Variants in PPFIA1 observed in about 807,000 individuals in gnomAD.
PPFIA1 encodes the protein PPFI scaffold protein A1.
In PPFIA1, 25 loss-of-function variants were observed where a neutral mutation model predicts 149.9. That is an observed-to-expected ratio of 0.17 (90% CI 0.12 to 0.23). PPFIA1 has a LOEUF of 0.23. Ranked by LOEUF, PPFIA1 falls within the 10% of genes least tolerant of loss-of-function variation. PPFIA1 has a pLI of 1.00. For missense variants in PPFIA1, 1,362 were observed against 1,506.5 expected, an observed-to-expected ratio of 0.90 and a Z score of 1.59; for synonymous variants, 549 against 552.8, an observed-to-expected ratio of 0.99 and a Z score of 0.10.
chr11:70,349,790 A>G (rs564183082), intron 16 of PPFIA1: 1 of 384,636 alleles, frequency 2.6e-6, no homozygotes, highest in African/African-American at 2.1e-5. Context: ...ATTTCTGTCC[A>G]GAGAATTCGT....
chr11:70,276,817 A>G (rs765942521), intron 2 of PPFIA1, among the ~76,000 whole-genome samples: 1 of 151,834 alleles, frequency 6.6e-6, no homozygotes, highest in Non-Finnish European at 1.5e-5. Flanking sequence ...GTGGTTTGTA[A>G]TCCTTATTAT....
intron 21 of PPFIA1, among the ~76,000 whole-genome samples, chr11:70,371,104 C>T (rs1285072375): frequency 2.0e-5 from 3 of 152,192 alleles, no homozygotes; most frequent in Admixed American, 6.5e-5. Flanking sequence ...TGCACTCCAG[C>T]CTGGGCGACA....
At chr11:70,365,483 T>G (rs1193472182) in intron 21 of PPFIA1, 1 of 455,894 alleles carries the variant, frequency 2.2e-6, no homozygotes, top group Admixed American at 2.4e-5. Flanking sequence ...GTTTTCCACT[T>G]AAGACCGTCT....
At chr11:70,344,041 T>A in intron 15 of PPFIA1, 149 bp downstream of exon 15, 2 of 827,504 alleles carry the variant, frequency 2.4e-6, no homozygotes, top group Non-Finnish European at 3.7e-6. Flanking sequence ...TTAAGAATTT[T>A]AAGGTCTGAA....
intron 14 of PPFIA1, 50 bp from the exon 15 acceptor site, chr11:70,343,619 C>T (rs765902032): frequency 3.6e-5 from 54 of 1,503,508 alleles, no homozygotes; most frequent in Non-Finnish European, 4.7e-5. Context: ...TATGTTTCTA[C>T]AACTAATGTT....
At chr11:70,281,942 C>T (rs1027478293) in intron 2 of PPFIA1, among the ~76,000 whole-genome samples, 2 of 152,188 alleles carry the variant, frequency 1.3e-5, no homozygotes, top group Non-Finnish European at 2.9e-5. Flanking sequence ...TCTCTGTCTG[C>T]AGCATATGCG....
At chr11:70,299,923 GT>G (rs2052363363) in intron 2 of PPFIA1, among the ~76,000 whole-genome samples, 1 of 152,212 alleles carries the variant, frequency 6.6e-6, no homozygotes, top group South Asian at 2.1e-4. Context: ...GGGAGGGTTT[GT>G]TCAGTGTCTG....
chr11:70,306,164 C>G (rs926508975), intron 2 of PPFIA1, among the ~76,000 whole-genome samples: 1 of 152,058 alleles, frequency 6.6e-6, no homozygotes, highest in Admixed American at 6.5e-5. Flanking sequence ...CACATGCACG[C>G]TTACTTGCGA....
chr11:70,347,626 A>G (rs1419476548), intron 15 of PPFIA1, among the ~76,000 whole-genome samples: 1 of 152,152 alleles, frequency 6.6e-6, no homozygotes, highest in Non-Finnish European at 1.5e-5. Flanking sequence ...GGATCCCTTG[A>G]GTCCAGGAGT....
chr11:70,372,180 C>G (rs757926991), intron 21 of PPFIA1, 35 bp from the exon 22 acceptor site: 1 of 1,565,862 alleles, frequency 6.4e-7, no homozygotes, highest in South Asian at 1.2e-5. Context: ...TTGAGACTTC[C>G]TCTGTAACTG....
intron 2 of PPFIA1, among the ~76,000 whole-genome samples, chr11:70,302,244 G>A (rs1253547183): frequency 2.6e-5 from 4 of 152,212 alleles, no homozygotes; most frequent in Non-Finnish European, 4.4e-5. Context: ...GGCTCGATTG[G>A]AGGAGGGAGC....
chr11:70,315,144 A>G (rs778038873), intron 2 of PPFIA1, among the ~76,000 whole-genome samples: 1 of 152,230 alleles, frequency 6.6e-6, no homozygotes, highest in Non-Finnish European at 1.5e-5. Flanking sequence ...GGGTGGCTTC[A>G]CAGCCGTATC....
chr11:70,367,668 T>G (rs1278364897), intron 21 of PPFIA1: 1 of 453,810 alleles, frequency 2.2e-6, no homozygotes, highest in Admixed American at 2.4e-5. Context: ...CTTCTGGGAG[T>G]TCATGTTATA....
At chr11:70,315,945 T>G (rs921402544) in intron 2 of PPFIA1, among the ~76,000 whole-genome samples, 12 of 152,164 alleles carry the variant, frequency 7.9e-5, no homozygotes, top group African/African-American at 2.9e-4. Flanking sequence ...TTGACTGCTC[T>G]AGAGACCTCA....
intron 2 of PPFIA1, among the ~76,000 whole-genome samples, chr11:70,297,130 G>A (rs1355062556): frequency 6.6e-6 from 1 of 152,108 alleles, no homozygotes; most frequent in South Asian, 2.1e-4. Flanking sequence ...CAGAGAGGCC[G>A]GGCACGGTGG....
chr11:70,349,135 CAAA>C (rs749436919), intron 16 of PPFIA1, among the ~76,000 whole-genome samples: 8 of 74,594 alleles, frequency 1.1e-4, no homozygotes, highest in Non-Finnish European at 1.9e-4. Flanking sequence ...CATCTACTAC[CAAA>C]AAAAAAAAAA....
intron 25 of PPFIA1, among the ~76,000 whole-genome samples, chr11:70,377,817 G>A (rs2057547483): frequency 1.3e-5 from 2 of 152,244 alleles, no homozygotes; most frequent in South Asian, 4.1e-4. Flanking sequence ...ACCTCATTTC[G>A]CCAGCTGAGG....
chr11:70,382,729 G>A (rs1057371133), intron 27 of PPFIA1, among the ~76,000 whole-genome samples: 1 of 152,172 alleles, frequency 6.6e-6, no homozygotes, highest in African/African-American at 2.4e-5. Context: ...GTCTCCGTTG[G>A]AATATTTGAC....
chr11:70,365,196 G>T, intron 21 of PPFIA1: 1 of 240,258 alleles, frequency 4.2e-6, no homozygotes, highest in South Asian at 4.5e-5. Context: ...TGGTGTTGAC[G>T]ACCCAGTGTT....
Sources: allele counts gnomAD v4.1 joint callset (sites outside exome capture counted in the v4.1 genomes callset), GRCh38; gene constraint gnomAD v4.1.1; transcripts MANE v1.5; gene names NCBI Gene and HGNC (gene_info 2026-07-23, HGNC 2026-07-21).